KIFC3: variants seen among roughly 807,000 people sequenced by gnomAD.
KIFC3 encodes kinesin-like protein KIFC3.
KIFC3 carries 60 observed loss-of-function variants against 101.8 expected under a neutral mutation model. The ratio of observed to expected loss-of-function variants is 0.59; its 90% CI spans 0.48 to 0.73. The LOEUF (loss-of-function observed/expected upper bound fraction) is 0.73. KIFC3 is among the 30% of genes least tolerant of loss of function. The probability of loss-of-function intolerance (pLI) is 0.00; values close to 1 mark genes in which losing one functional copy is unlikely to be tolerated. For missense variants in KIFC3, 966 were observed against 1,137.1 expected (o/e 0.85, Z 2.16); for synonymous variants, 476 against 482.7 (o/e 0.99, Z 0.18).
intron 2 of KIFC3, among the ~76,000 whole-genome samples, chr16:57,796,769 C>T (rs1243028268): frequency 1.3e-5 from 2 of 152,174 alleles, no homozygotes; most frequent in East Asian, 1.9e-4. Flanking sequence ...CAGACACACA[C>T]GACTAGAAGG....
intron 3 of KIFC3, chr16:57,775,782 TC>T: frequency 1.0e-6 from 1 of 985,542 alleles, no homozygotes; most frequent in South Asian, 4.7e-5. Flanking sequence ...GAAAGCAGAC[TC>T]CCCACTAGGC....
At position 57,767,083 on chromosome 16, in the gene KIFC3, G is replaced by A. The variant is rs1555603762; in HGVS notation, c.1219-98C>T. On this transcript the variant is annotated intron_variant, in intron 9 of 19. Transcript: ENST00000445690. The stretch of plus-strand genomic sequence containing the variant: ...GGGGTGCTCACTGCCTCCTGCCCCT[G>A]GCTGAGTACCTGACACACGCTGTCA... 4.5e-6 allele frequency: 4 copies of A among 888,786 alleles called. No individual in the cohort carries two copies. The East Asian group carries it at 7.3e-5, about 16-fold the overall frequency. 55.1% of individuals were successfully genotyped at this position (888,786 alleles called of 1,614,324 possible). A position where few individuals can be genotyped will look rare whatever the true frequency, so the allele number is the denominator to read the frequency against.
chr16:57,793,220 A>G (rs1165752937), intron 3 of KIFC3, among the ~76,000 whole-genome samples: 2 of 151,752 alleles, frequency 1.3e-5, no homozygotes, highest in Admixed American at 1.3e-4. Flanking sequence ...TGGGAGGTGA[A>G]GGTTGCAGTG....
intron 1 of KIFC3, among the ~76,000 whole-genome samples, chr16:57,857,488 C>CT (rs1317228990): frequency 6.6e-6 from 1 of 151,364 alleles, no homozygotes; most frequent in Admixed American, 6.6e-5. Flanking sequence ...TGGTGGTTTG[C>CT]TGTACCCATC....
rs782053330 is a variant in KIFC3, at chr16:57,758,912, G to T, written c.*25-3C>A. 5.7e-6 allele frequency: 9 copies of T among 1,573,810 alleles called. No individual in the cohort carries two copies. The highest frequency in any genetic ancestry group is 7.8e-6 in the Non-Finnish European group (9 of 1,159,788). On this transcript the variant is annotated splice_polypyrimidine_tract_variant and splice_region_variant and intron_variant, in intron 19 of 19. Coordinates refer to ENST00000445690, the MANE Select transcript of KIFC3 (RefSeq NM_001130100.2). ...CACAGGCAGTGGCCGCGACTTCCCT[G>T]CAGGGGCATGAGATCATCAGCCTCT... is the stretch of plus-strand genomic sequence containing the variant.
intron 9 of KIFC3, among the ~76,000 whole-genome samples, chr16:57,768,509 TCACACACA>T (rs61591593): frequency 1.4e-5 from 2 of 139,128 alleles, no homozygotes; most frequent in East Asian, 4.1e-4. Flanking sequence ...CCATATATTC[TCACACACA>T]CACACACACA....
At chr16:57,830,898 G>A (rs1445952959) in intron 1 of KIFC3, among the ~76,000 whole-genome samples, 4 of 152,160 alleles carry the variant, frequency 2.6e-5, no homozygotes, top group African/African-American at 9.7e-5. Flanking sequence ...AGTAACTGAG[G>A]CCACACTATG....
At chr16:57,803,564 C>T, upstream of KIFC3, 2 of 361,608 alleles carry the variant, frequency 5.5e-6, no homozygotes, top group Non-Finnish European at 1.1e-5. Flanking sequence ...TGGGTTCTAT[C>T]TCCTGCTGCC....
intron 1 of KIFC3, among the ~76,000 whole-genome samples, chr16:57,809,759 G>A (rs2055021672): frequency 1.3e-5 from 2 of 152,070 alleles, no homozygotes; most frequent in South Asian, 2.1e-4. Context: ...AATTTACACT[G>A]TCGTTGGCAG....
At chr16:57,817,980 G>C (rs1448518302) in intron 1 of KIFC3, among the ~76,000 whole-genome samples, 10 of 151,628 alleles carry the variant, frequency 6.6e-5, no homozygotes, top group Admixed American at 5.3e-4. Flanking sequence ...CACTTACAAA[G>C]CTTCTCCTGG....
chr16:57,788,691 C>T, intron 3 of KIFC3: 4 of 1,289,640 alleles, frequency 3.1e-6, no homozygotes, highest in South Asian at 2.5e-5. Flanking sequence ...CTGGCTCTTG[C>T]ACCCCTTGTC....
chr16:57,826,868 C>T (rs1036775418), intron 1 of KIFC3, among the ~76,000 whole-genome samples: 1 of 152,176 alleles, frequency 6.6e-6, no homozygotes, highest in Non-Finnish European at 1.5e-5. Flanking sequence ...CTCTGGACCT[C>T]GGACTCCCAG....
chr16:57,762,030 G>A, intron 13 of KIFC3, 110 bp downstream of exon 13: 1 of 1,372,756 alleles, frequency 7.3e-7, no homozygotes, highest in African/African-American at 1.4e-5. Flanking sequence ...TGCCCCTGAG[G>A]CCTGCTCCCC....
intron 1 of KIFC3, among the ~76,000 whole-genome samples, chr16:57,846,997 C>T (rs893187706): frequency 4.6e-5 from 7 of 152,008 alleles, no homozygotes; most frequent in Non-Finnish European, 8.8e-5. Context: ...CCAGCCTAGC[C>T]AACAAGGTGA....
At chr16:57,795,890 T>TGTTTG (rs1389352708) in intron 2 of KIFC3, among the ~76,000 whole-genome samples, 20 of 52,010 alleles carry the variant, frequency 3.8e-4, no homozygotes, top group African/African-American at 1.2e-3. Context: ...TTTTGTTTTT[T>TGTTTG]TTTTTTTTTT....
intron 3 of KIFC3, 63 bp downstream of exon 3, chr16:57,794,936 G>A: frequency 6.9e-7 from 1 of 1,440,692 alleles, no homozygotes; most frequent in Non-Finnish European, 9.1e-7. Flanking sequence ...AGCCTGGCAG[G>A]AACCCAGCCA....
At chr16:57,832,604 C>T (rs913458718) in intron 1 of KIFC3, among the ~76,000 whole-genome samples, 3 of 151,988 alleles carry the variant, frequency 2.0e-5, no homozygotes, top group Non-Finnish European at 4.4e-5. Context: ...CGTGAGCCAC[C>T]GCGCCTGGCC....
intron 1 of KIFC3, chr16:57,815,416 T>C: frequency 8.5e-7 from 1 of 1,179,432 alleles, no homozygotes; most frequent in African/African-American, 1.6e-5. Flanking sequence ...CCGCCACGTG[T>C]TTTCTAGGAT....
intron 1 of KIFC3, among the ~76,000 whole-genome samples, chr16:57,848,425 C>T (rs540352348): frequency 6.6e-6 from 1 of 152,056 alleles, no homozygotes. Context: ...TCAGGAGTTC[C>T]AGACCAGCCT....
Sources: allele counts gnomAD v4.1 joint callset (sites outside exome capture counted in the v4.1 genomes callset), GRCh38; gene constraint gnomAD v4.1.1; transcripts MANE v1.5; gene names NCBI Gene and HGNC (gene_info 2026-07-23, HGNC 2026-07-21).